Variants in MDGA1 observed in about 807,000 individuals in gnomAD.
The protein encoded by MDGA1 is MAM domain-containing glycosylphosphatidylinositol anchor protein 1.
Under a neutral mutation model 101.5 loss-of-function variants are expected in MDGA1, and 54 were observed. The observed-to-expected ratio is 0.53, with a 90% confidence interval of 0.43 to 0.67. The LOEUF (loss-of-function observed/expected upper bound fraction) is 0.67. Among genes scored for constraint, MDGA1 ranks in the 30% least tolerant of loss-of-function variants. The pLI, the probability that MDGA1 is intolerant of heterozygous loss-of-function variation, is 0.00. For synonymous variants in MDGA1, 533 were observed against 558.3 expected (o/e 0.95, Z 0.64); for missense variants, 1,083 against 1,323.8 (o/e 0.82, Z 2.82).
intron 9 of MDGA1, among the ~76,000 whole-genome samples, chr6:37,647,678 A>G (rs1355923700): frequency 6.6e-6 from 1 of 151,840 alleles, no homozygotes; most frequent in Non-Finnish European, 1.5e-5. Context: ...GGGGAAAGAC[A>G]CAAGAGTCAG....
chr6:37,694,827 C>T (rs781102637), intron 1 of MDGA1, among the ~76,000 whole-genome samples: 36 of 152,136 alleles, frequency 2.4e-4, no homozygotes, highest in Non-Finnish European at 4.7e-4. Flanking sequence ...ACACCCAGCC[C>T]ACTTTGATTG....
At chr6:37,671,855 A>T (rs1761875923) in intron 1 of MDGA1, among the ~76,000 whole-genome samples, 1 of 152,204 alleles carries the variant, frequency 6.6e-6, no homozygotes, top group South Asian at 2.1e-4. Flanking sequence ...ACAAATGGAA[A>T]ACCTTGATTA....
chr6:37,685,846 GACCCCC>G, intron 1 of MDGA1, among the ~76,000 whole-genome samples: 1 of 152,222 alleles, frequency 6.6e-6, no homozygotes, highest in Admixed American at 6.5e-5. Context: ...GAGCAGCCAG[GACCCCC>G]ACCCCCACCC....
chr6:37,676,494 C>G lies in MDGA1; in HGVS notation c.68-12388G>C, dbSNP rs570376250. ...TAGGGGCCAAAGGGAGAAAATGAGG[C>G]TAAGGCACTGGATTTGGGCTGCAGT... On this transcript the variant is annotated intron_variant, in intron 1 of 16. Transcript: ENST00000434837. 2.0e-5 allele frequency among the ~76,000 whole-genome samples: 3 copies of G among 152,352 alleles called. No homozygotes were observed. The East Asian group carries it at 5.8e-4, about 29-fold the overall frequency.
At chr6:37,665,392 TG>T (rs1305292620) in intron 1 of MDGA1, among the ~76,000 whole-genome samples, 4 of 152,110 alleles carry the variant, frequency 2.6e-5, no homozygotes, top group African/African-American at 9.7e-5. Context: ...ATAAGAGTGA[TG>T]GAACCGACTC....
At chr6:37,654,702 G>C in intron 5 of MDGA1, 98 bp downstream of exon 5, 3 of 1,550,748 alleles carry the variant, frequency 1.9e-6, no homozygotes, top group Non-Finnish European at 2.7e-6. Context: ...CCAGACATTA[G>C]TGGCAGTGTG....
chr6:37,637,527 A>C, intron 16 of MDGA1, 68 bp from the exon 17 acceptor site: 1 of 1,416,796 alleles, frequency 7.1e-7, no homozygotes, highest in Non-Finnish European at 9.9e-7. Flanking sequence ...AGGAAGTGGC[A>C]GGCAGGTCGG....
At position 37,654,299 on chromosome 6, in the gene MDGA1, C is replaced by T; in HGVS notation, c.957G>A (p.Lys319=). 6.4e-7 allele frequency: 1 copy of T among 1,564,046 alleles called. No homozygotes were observed. Among genetic ancestry groups the T allele is most frequent in the Non-Finnish European group, 8.7e-7 (1 of 1,154,380 alleles). Residue 319 remains lysine (K), a synonymous_variant, in exon 6 of 17, where the codon AAG becomes AAA. Coordinates refer to ENST00000434837, the MANE Select transcript of MDGA1 (RefSeq NM_153487.4). The part of the protein sequence containing the change: ...TATNNVGNPA[K]KTVNLLVRSM... ...ATCGCACCAGCAGGTTGACAGTCTT[C>T]TTGGCAGGGTTGCCCACATTGTTGG... is the stretch of plus-strand genomic sequence containing the variant.
intron 1 of MDGA1, among the ~76,000 whole-genome samples, chr6:37,669,741 C>T (rs1024437167): frequency 1.3e-5 from 2 of 152,226 alleles, no homozygotes; most frequent in African/African-American, 4.8e-5. Context: ...AGGGCTGTTT[C>T]AAGATACACC....
chr6:37,651,537 GC>G (rs1204483938), intron 7 of MDGA1, among the ~76,000 whole-genome samples: 1 of 151,950 alleles, frequency 6.6e-6, no homozygotes, highest in Non-Finnish European at 1.5e-5. Context: ...ATTTTTCCGG[GC>G]CCTTAAGACA....
Position 37,680,820 on chromosome 6 carries a change from C to T in MDGA1, c.67+15925G>A, listed in dbSNP as rs187424710. Among the ~76,000 whole-genome samples, 100 of 152,364 alleles carry T rather than the reference C, an allele frequency of 6.6e-4. 2 individuals are homozygous for T. The East Asian group carries it at 0.017, about 25-fold the overall frequency. ...CAGCCCAGATCTGGCACGGGCGCAG[C>T]GGGTGAGCGCACGCCTGGCGCAGGC... On this transcript the variant is annotated intron_variant, in intron 1 of 16. Transcript: ENST00000434837.
chr6:37,659,984 G>A (rs1761582586), intron 2 of MDGA1, among the ~76,000 whole-genome samples: 1 of 151,652 alleles, frequency 6.6e-6, no homozygotes, highest in African/African-American at 2.4e-5. Flanking sequence ...TTATGCATCT[G>A]AGAGTTCCTA....
rs1183556724 is a variant in MDGA1 at position 37,652,073 on chromosome 6, G to C, written c.1250C>G (p.Ala417Gly). The change falls in exon 7 of 17, where the codon GCT becomes GGT. Residue 417 changes from alanine to glycine, a missense_variant. Physicochemically the swap from Ala to Gly is moderately conservative, Grantham distance 60. Coordinates refer to ENST00000434837, the MANE Select transcript of MDGA1 (RefSeq NM_153487.4). This position sits in a 1 kb window ranked among gnomAD's most constrained non-coding sequence, Gnocchi z 4.3. ...GGGCACGGGTGCCCCTGGGAAAGAA[G>C]CCATGCACAGGTAGGTGCCATAGTC... is the stretch of plus-strand genomic sequence containing the variant. ...FSDYGTYLCMASFPGAPVPDL... is the reference protein window; with the variant it reads ...FSDYGTYLCMGSFPGAPVPDL... 10 of 1,613,004 alleles carry C rather than the reference G, an allele frequency of 6.2e-6. No homozygotes were observed. Among genetic ancestry groups the C allele is most frequent in the Non-Finnish European group, 8.5e-6 (10 of 1,179,792 alleles).
chr6:37,651,662 C>A (rs1033787935), intron 7 of MDGA1, among the ~76,000 whole-genome samples: 16 of 152,162 alleles, frequency 1.1e-4, no homozygotes, highest in Non-Finnish European at 2.2e-4. Flanking sequence ...ACCGTACAGG[C>A]TAAAGAGTAG....
intron 12 of MDGA1, among the ~76,000 whole-genome samples, chr6:37,645,348 A>G (rs1761164837): frequency 6.6e-6 from 1 of 152,206 alleles, no homozygotes; most frequent in Non-Finnish European, 1.5e-5. Context: ...AGCCTGGGCA[A>G]CATGGTGAAA....
At chr6:37,680,076 T>C (rs1762061715) in intron 1 of MDGA1, among the ~76,000 whole-genome samples, 1 of 152,182 alleles carries the variant, frequency 6.6e-6, no homozygotes, top group South Asian at 2.1e-4. Context: ...ACCTCAGAGC[T>C]GCTAGTTACT....
At chr6:37,647,982 T>C (rs150799351) in intron 9 of MDGA1, among the ~76,000 whole-genome samples, 44 of 152,318 alleles carry the variant, frequency 2.9e-4, no homozygotes, top group South Asian at 2.5e-3. Flanking sequence ...CCCCAGGCTC[T>C]GCTCCAGGGG....
At chr6:37,642,391 C>T (rs1478628207) in intron 14 of MDGA1, among the ~76,000 whole-genome samples, 2 of 151,886 alleles carry the variant, frequency 1.3e-5, no homozygotes, top group Non-Finnish European at 2.9e-5. Flanking sequence ...AGGCTGGTCT[C>T]GAACTCTTGA....
rs1466447120 is a variant in MDGA1 at position 37,635,228 on chromosome 6, G to C, written c.*2140C>G. On this transcript the variant is annotated 3_prime_UTR_variant, in exon 17 of 17. Coordinates refer to ENST00000434837, the MANE Select transcript of MDGA1 (RefSeq NM_153487.4). ...CTGGTGGTTCTATTCTGCAGGCAAG[G>C]CCAGGAACCACTGATTACAGAATCC... 1 of 383,452 alleles carries C rather than the reference G, an allele frequency of 2.6e-6. No homozygotes were observed. Among genetic ancestry groups the C allele is most frequent in the East Asian group, 3.7e-5 (1 of 26,730 alleles). The allele number at this position is 383,452 out of a possible 1,614,324, so 23.8% of individuals were successfully genotyped here.
Sources: gnomAD v4.1 joint callset for allele counts (sites outside exome capture counted in the v4.1 genomes callset) on GRCh38, gnomAD v4.1.1 for gene constraint, Gnocchi (gnomAD v3.1) non-coding constraint, MANE v1.5 for transcripts, NCBI Gene and HGNC (gene_info 2026-07-23, HGNC 2026-07-21) for gene names.